NWD2: variants seen among roughly 807,000 people sequenced by gnomAD.
The protein encoded by NWD2 is NACHT and WD repeat domain-containing protein 2.
In NWD2, 37 loss-of-function variants were observed where a neutral mutation model predicts 132.7. That is an observed-to-expected ratio of 0.28 (90% CI 0.21 to 0.37). The LOEUF is 0.37. Ranked by LOEUF, NWD2 falls within the 10% of genes least tolerant of loss-of-function variation. NWD2 has a pLI of 1.00. For missense variants in NWD2, 1,592 were observed against 2,122.4 expected (o/e 0.75, Z 4.91); for synonymous variants, 705 against 803.0 (o/e 0.88, Z 2.06).
At chr4:37,304,811 C>T (rs1344905847) in intron 1 of NWD2, among the ~76,000 whole-genome samples, 1 of 152,184 alleles carries the variant, frequency 6.6e-6, no homozygotes, top group Non-Finnish European at 1.5e-5. Context: ...TCCAGGTGCC[C>T]AGTATAAGCT....
chr4:37,274,090 C>T (rs1167347746), intron 1 of NWD2, among the ~76,000 whole-genome samples: 1 of 152,126 alleles, frequency 6.6e-6, no homozygotes, highest in East Asian at 1.9e-4. Flanking sequence ...CAGAGCAGAA[C>T]TGAAGGAGAT....
intron 1 of NWD2, among the ~76,000 whole-genome samples, chr4:37,271,682 TC>T (rs1048242792): frequency 6.6e-6 from 1 of 151,814 alleles, no homozygotes; most frequent in African/African-American, 2.4e-5. Flanking sequence ...TATTTCTGTT[TC>T]TTGCCTTATT....
At chr4:37,326,417 G>T (rs914103950) in intron 2 of NWD2, among the ~76,000 whole-genome samples, 2 of 152,064 alleles carry the variant, frequency 1.3e-5, no homozygotes, top group Non-Finnish European at 2.9e-5. Flanking sequence ...CATCAGCCAG[G>T]CCTGGCCTTG....
At chr4:37,254,483 C>T (rs1003254853) in intron 1 of NWD2, among the ~76,000 whole-genome samples, 11 of 152,096 alleles carry the variant, frequency 7.2e-5, no homozygotes, top group African/African-American at 2.4e-4. Flanking sequence ...AAGTTTTACT[C>T]ATAATGGTCA....
chr4:37,408,720 T>A lies in NWD2; in HGVS notation c.358-21852T>A, dbSNP rs572932926. Among the ~76,000 whole-genome samples the A allele has an allele frequency of 3.3e-5, 5 of 152,312 alleles. No individual in the cohort carries two copies. The South Asian group carries it at 1.0e-3, about 32-fold the overall frequency. Reference sequence around the variant, plus strand: ...TCCTCGAGTGGGTCCCTGACCCCTATGTATCCTGACTGGGAGACATCTCCC... The same window carrying A: ...TCCTCGAGTGGGTCCCTGACCCCTAAGTATCCTGACTGGGAGACATCTCCC... On this transcript the variant is annotated intron_variant, in intron 3 of 6. Transcript: ENST00000309447.
intron 1 of NWD2, among the ~76,000 whole-genome samples, chr4:37,299,689 G>A (rs1221111493): frequency 6.6e-6 from 1 of 152,068 alleles, no homozygotes; most frequent in Non-Finnish European, 1.5e-5. Context: ...GCTGATTGGT[G>A]AATTACTCTA....
At chr4:37,251,509 G>C (rs1247348057) in intron 1 of NWD2, among the ~76,000 whole-genome samples, 1 of 152,196 alleles carries the variant, frequency 6.6e-6, no homozygotes, top group Non-Finnish European at 1.5e-5. Flanking sequence ...TGTCAAAGCT[G>C]CCACCCAGAG....
At position 37,443,841 on chromosome 4, in the gene NWD2, G is replaced by A. The variant is rs1712554217; in HGVS notation, c.1853G>A (p.Arg618Lys). The A allele has an allele frequency of 6.4e-7, 1 of 1,552,078 alleles. No homozygotes were observed. The highest frequency in any genetic ancestry group is 2.0e-5 in the Admixed American group (1 of 50,992). Residue 618 changes from arginine (R) to lysine (K), a missense_variant, in exon 7 of 7, where the codon AGG (arginine) becomes AAG (lysine). By Grantham distance (26) the Arg-to-Lys change is conservative (BLOSUM62 2). Coordinates refer to ENST00000309447, the MANE Select transcript of NWD2 (RefSeq NM_001144990.2). The surrounding 1 kb of genome is among the most constrained non-coding windows in gnomAD (Gnocchi z 4.1). ...TLPMFVNLTF[R>K]EVRHWRSHKD... ...CCAATGTTTGTGAACCTGACCTTCA[G>A]GGAGGTGAGGCACTGGAGATCTCAC...
chr4:37,432,349 T>C (rs1712202537), intron 4 of NWD2, among the ~76,000 whole-genome samples: 1 of 130,356 alleles, frequency 7.7e-6, no homozygotes, highest in South Asian at 2.7e-4. Context: ...GAATAATACA[T>C]GTGAGGGTGA....
At chr4:37,350,036 T>C (rs1403613155) in intron 2 of NWD2, among the ~76,000 whole-genome samples, 2 of 152,200 alleles carry the variant, frequency 1.3e-5, no homozygotes, top group Non-Finnish European at 2.9e-5. Flanking sequence ...TCCTGTTCCA[T>C]TGGTCTATAT....
chr4:37,281,645 C>G (rs568459623), intron 1 of NWD2, among the ~76,000 whole-genome samples: 2 of 152,028 alleles, frequency 1.3e-5, no homozygotes, highest in African/African-American at 4.8e-5. Context: ...ATGAGAAAAC[C>G]AAGTCCAGTA....
intron 3 of NWD2, among the ~76,000 whole-genome samples, chr4:37,376,127 G>A (rs1285489469): frequency 6.6e-6 from 1 of 152,098 alleles, no homozygotes; most frequent in African/African-American, 2.4e-5. Flanking sequence ...AATATTTTCT[G>A]TGAAGGTAAA....
rs370330883 is a variant in NWD2, at chr4:37,445,214, G to A, written c.3226G>A (p.Glu1076Lys). ...LSANHALAWLEASKDVTVIDL... is the reference protein window; with the variant it reads ...LSANHALAWLKASKDVTVIDL... ...CGCCAACCACGCCCTTGCATGGCTC[G>A]AAGCCAGCAAAGATGTCACTGTCAT... The change falls in exon 7 of 7, where the codon GAA (glutamate) becomes AAA (lysine). Residue 1076 changes from glutamate to lysine, a missense_variant. Coordinates refer to ENST00000309447, the MANE Select transcript of NWD2 (RefSeq NM_001144990.2). This position sits in a 1 kb window ranked among gnomAD's most constrained non-coding sequence, Gnocchi z 4.7. 7.7e-5 allele frequency: 119 copies of A among 1,551,868 alleles called. No homozygotes were observed. In the African/African-American group the frequency reaches 1.1e-3, roughly 15 times the overall value.
intron 1 of NWD2, among the ~76,000 whole-genome samples, chr4:37,264,699 C>T (rs1717712850): frequency 6.6e-6 from 1 of 151,994 alleles, no homozygotes; most frequent in South Asian, 2.1e-4. Flanking sequence ...GTAAGAAAAT[C>T]AGAAGCAAAA....
At chr4:37,288,691 T>C (rs1718295434) in intron 1 of NWD2, among the ~76,000 whole-genome samples, 1 of 152,210 alleles carries the variant, frequency 6.6e-6, no homozygotes, top group Admixed American at 6.5e-5. Context: ...TCTGTCAGGG[T>C]CCATATGCAC....
intron 2 of NWD2, among the ~76,000 whole-genome samples, chr4:37,342,494 G>A (rs1265594297): frequency 2.6e-5 from 4 of 152,156 alleles, no homozygotes; most frequent in African/African-American, 9.7e-5. Context: ...CGTATGGTTT[G>A]TGGTCAGGTG....
At chr4:37,286,199 G>A (rs1227158761) in intron 1 of NWD2, among the ~76,000 whole-genome samples, 3 of 152,032 alleles carry the variant, frequency 2.0e-5, no homozygotes, top group Non-Finnish European at 2.9e-5. Context: ...AATCATTTTC[G>A]GTGTTTTAAC....
chr4:37,273,482 G>A (rs934673227), intron 1 of NWD2, among the ~76,000 whole-genome samples: 25 of 151,892 alleles, frequency 1.6e-4, no homozygotes, highest in African/African-American at 5.6e-4. Flanking sequence ...AATAATAATG[G>A]GAGACTTTAA....
chr4:37,359,278 A>C (rs1345144692), intron 3 of NWD2, among the ~76,000 whole-genome samples: 4 of 152,128 alleles, frequency 2.6e-5, no homozygotes, highest in Non-Finnish European at 5.9e-5. Flanking sequence ...CTCCCCTGTT[A>C]CATGTTTAAA....
Sources: gnomAD v4.1 joint callset for allele counts (sites outside exome capture counted in the v4.1 genomes callset) on GRCh38, gnomAD v4.1.1 for gene constraint, Gnocchi (gnomAD v3.1) non-coding constraint, MANE v1.5 for transcripts, NCBI Gene and HGNC (gene_info 2026-07-23, HGNC 2026-07-21) for gene names.